Variants in ITIH3 observed in about 807,000 individuals in gnomAD.
ITIH3 encodes the protein inter-alpha-trypsin inhibitor heavy chain H3.
ITIH3 carries 81 observed loss-of-function variants against 96.5 expected under a neutral mutation model. That is an observed-to-expected ratio of 0.84 (90% CI 0.70 to 1.01). The LOEUF is 1.01. ITIH3 is among the 50% of genes least tolerant of loss of function. The pLI is 0.00. For missense variants in ITIH3, 1,057 were observed against 1,139.3 expected (o/e 0.93, Z 1.04); for synonymous variants, 422 against 445.2 (o/e 0.95, Z 0.66).
At chr3:52,797,354 C>T (rs1171932304) in intron 5 of ITIH3, 87 bp downstream of exon 5, 2 of 1,378,242 alleles carry the variant, frequency 1.5e-6, no homozygotes, top group South Asian at 1.3e-5. Context: ...GGGTCAAAAA[C>T]AAAAGTTCTG....
At chr3:52,808,026 C>T in intron 20 of ITIH3, 84 bp from the exon 21 acceptor site, 1 of 1,576,068 alleles carries the variant, frequency 6.3e-7, no homozygotes, top group Non-Finnish European at 8.7e-7. Context: ...CCCATTCAGC[C>T]TTTGCATCAA....
At position 52,797,844 on chromosome 3, in the gene ITIH3, G is replaced by A. The variant is rs1171893686; in HGVS notation, c.577G>A (p.Gly193Arg). ...CGAGGTAGACATCTTCGAGCCTCAG[G>A]GAATCAGCATGCTGGATGCTGAGGC... ...EIEVDIFEPQGISMLDAEASF... is the reference protein window; with the variant it reads ...EIEVDIFEPQRISMLDAEASF... The change falls in exon 6 of 22, where the codon GGA becomes AGA. Residue 193 changes from glycine to arginine, a missense_variant. Coordinates refer to ENST00000449956, the MANE Select transcript of ITIH3 (RefSeq NM_002217.4). The A allele has an allele frequency of 6.2e-7, 1 of 1,609,118 alleles. No individual in the cohort carries two copies. Among genetic ancestry groups the A allele is most frequent in the Non-Finnish European group, 8.5e-7 (1 of 1,177,920 alleles).
chr3:52,798,748 C>T lies in ITIH3; in HGVS notation c.664-218C>T, dbSNP rs9831399. 4,697 of 576,702 alleles carry T rather than the reference C, an allele frequency of 8.1e-3. 180 individuals are homozygous for T. Among genetic ancestry groups the T allele is most frequent in the African/African-American group, 0.078 (4,188 of 53,546 alleles). 35.7% of individuals were successfully genotyped at this position (576,702 alleles called of 1,614,324 possible). A position where few individuals can be genotyped will look rare whatever the true frequency, so the allele number is the denominator to read the frequency against. On this transcript the variant is annotated intron_variant, in intron 6 of 21. Coordinates refer to ENST00000449956, the MANE Select transcript of ITIH3 (RefSeq NM_002217.4). ...GGGGAAAAGCGGTGCTCAGAAAGGC[C>T]GGAGCGTGGTAAACAGTGCCTTCCA...
At chr3:52,797,678 G>T in intron 5 of ITIH3, 139 bp from the exon 6 acceptor site, 1 of 610,544 alleles carries the variant, frequency 1.6e-6, no homozygotes, top group Non-Finnish European at 2.9e-6. Flanking sequence ...TTTCGCAGTG[G>T]GAGACACCAG....
At chr3:52,805,196 G>A in intron 15 of ITIH3, 1 of 633,504 alleles carries the variant, frequency 1.6e-6, no homozygotes, top group Non-Finnish European at 2.0e-6. Flanking sequence ...GGGAATTGCT[G>A]GGGATCACAG....
chr3:52,800,076 G>A (rs1370409535), intron 9 of ITIH3, among the ~76,000 whole-genome samples, 155 bp downstream of exon 9: 2 of 152,184 alleles, frequency 1.3e-5, no homozygotes, highest in Non-Finnish European at 2.9e-5. Context: ...CAGGCTTGAA[G>A]ACAGAATATC....
intron 10 of ITIH3, 142 bp downstream of exon 10, chr3:52,800,805 T>C: frequency 8.3e-6 from 12 of 1,441,244 alleles, no homozygotes; most frequent in Non-Finnish European, 1.1e-5. Context: ...GGCAGGGTCC[T>C]GCCTCCCTCT....
Position 52,797,278 on chromosome 3 carries a change from G to A in ITIH3, c.549+11G>A, listed in dbSNP as rs377169466. On this transcript the variant is annotated intron_variant, in intron 5 of 21. Coordinates refer to ENST00000449956, the MANE Select transcript of ITIH3 (RefSeq NM_002217.4). Reference sequence around the variant, plus strand: ...GTCAAACACTTTGAGGTAATCAACCGCCCCTGCAGACCTGGGGGGACGGCA... The same window carrying A: ...GTCAAACACTTTGAGGTAATCAACCACCCCTGCAGACCTGGGGGGACGGCA... 107 of 1,596,170 alleles carry A rather than the reference G, an allele frequency of 6.7e-5. No homozygotes were observed. Among genetic ancestry groups the A allele is most frequent in the Middle Eastern group, 2.1e-4 (1 of 4,738 alleles).
At position 52,807,766 on chromosome 3, in the gene ITIH3, AG is replaced by A. The variant is rs1184114153; in HGVS notation, c.2283del (p.Lys762ArgfsTer31). 8.1e-6 allele frequency: 13 copies of A among 1,611,600 alleles called. No homozygotes were observed. The highest frequency in any genetic ancestry group is 2.7e-5 in the African/African-American group (2 of 74,904). ...TCGTAGGCTGTCCATGATGATCAAC[AG>A]GAAGAACATGGTGGTCTCCTTTGGA... is the stretch of plus-strand genomic sequence containing the variant. ...TQDGLSMMIN[R>X]KNMVVSFGDG... On this transcript the variant is annotated frameshift_variant, in exon 20 of 22. Transcript: ENST00000449956. LOFTEE classifies it high-confidence loss of function.
intron 6 of ITIH3, 27 bp from the exon 7 acceptor site, chr3:52,798,939 G>C: frequency 6.2e-7 from 1 of 1,610,582 alleles, no homozygotes; most frequent in Non-Finnish European, 8.5e-7. Context: ...GCCGAGCTGA[G>C]CAAGGTCTTT....
rs750113044 is a variant in ITIH3 at position 52,802,805 on chromosome 3, C to A, written c.1708C>A (p.Arg570Ser). 1 of 1,613,840 alleles carries A rather than the reference C, an allele frequency of 6.2e-7. No homozygotes were observed. Among genetic ancestry groups the A allele is most frequent in the South Asian group, 1.1e-5 (1 of 91,050 alleles). The change falls in exon 13 of 22, where the codon CGC becomes AGC. Residue 570 changes from arginine to serine, a missense_variant and splice_region_variant. By Grantham distance (110) the Arg-to-Ser change is moderately radical (BLOSUM62 -1). Coordinates refer to ENST00000449956, the MANE Select transcript of ITIH3 (RefSeq NM_002217.4). ...CACCATTGAGCAGCTGCTGGAGAAG[C>A]GGTGAGCAGAGTCCCAGCCCCCACC... ...YLTIEQLLEK[R>S]KNAHGEEKEN...
At chr3:52,795,700 A>G in intron 2 of ITIH3, 77 bp downstream of exon 2, 1 of 1,404,502 alleles carries the variant, frequency 7.1e-7, no homozygotes, top group South Asian at 1.2e-5. Flanking sequence ...CTGAAGGTGT[A>G]GGCTATAACA....
chr3:52,807,992 C>A, intron 20 of ITIH3, 76 bp downstream of exon 20: 1 of 1,571,504 alleles, frequency 6.4e-7, no homozygotes, highest in South Asian at 1.2e-5. Flanking sequence ...CCTTCCTAGG[C>A]ACCCTGTACC....
chr3:52,798,948 T>C lies in ITIH3; in HGVS notation c.664-18T>C, dbSNP rs1473692858. The C allele has an allele frequency of 6.2e-7, 1 of 1,611,704 alleles. No homozygotes were observed. The highest frequency in any genetic ancestry group is 8.5e-7 in the Non-Finnish European group (1 of 1,179,054). ...GCCCTGGCCGAGCTGAGCAAGGTCTTTCATCTCCATCCCTTAGGGCCATGT... is the reference window on the plus strand; with the variant it reads ...GCCCTGGCCGAGCTGAGCAAGGTCTCTCATCTCCATCCCTTAGGGCCATGT... On this transcript the variant is annotated intron_variant, in intron 6 of 21. Transcript: ENST00000449956.
rs771419128 is a variant in ITIH3 at position 52,795,616 on chromosome 3, C to G, written c.107C>G (p.Pro36Arg). The stretch of plus-strand genomic sequence containing the variant: ...TTGTTTTTTCAGAAACGGAGCCTCC[C>G]GGAAGGGGTAAGAACTTTCACCAGG... ...PFRLLGKRSL[P>R]EGVANGIEVY... The change falls in exon 2 of 22, where the codon CCG becomes CGG. Residue 36 changes from proline (P) to arginine (R), a missense_variant. Physicochemically the swap from Pro to Arg is moderately radical, Grantham distance 103. Coordinates refer to ENST00000449956, the MANE Select transcript of ITIH3 (RefSeq NM_002217.4). The G allele has an allele frequency of 3.7e-6, 6 of 1,612,224 alleles. No individual in the cohort carries two copies. The highest frequency in any genetic ancestry group is 1.3e-5 in the African/African-American group (1 of 74,896).
rs1430770962 is a variant in ITIH3, at chr3:52,802,681, G to A, written c.1584G>A (p.Leu528=). The A allele has an allele frequency of 1.2e-6, 2 of 1,613,908 alleles. No individual in the cohort carries two copies. Among genetic ancestry groups the A allele is most frequent in the Non-Finnish European group, 1.7e-6 (2 of 1,179,870 alleles). Residue 528 remains leucine, a synonymous_variant, in exon 13 of 22, where the codon CTG becomes CTA. Coordinates refer to ENST00000449956, the MANE Select transcript of ITIH3 (RefSeq NM_002217.4). ...CCCCACCCTAGGCCACCAACGACCTGACCTTCACAGAGGAGGTGGACATGA... is the reference window on the plus strand; with the variant it reads ...CCCCACCCTAGGCCACCAACGACCTAACCTTCACAGAGGAGGTGGACATGA... ...DVKGHGATND[L]TFTEEVDMKE...
chr3:52,797,614 G>A (rs1699641109), intron 5 of ITIH3, among the ~76,000 whole-genome samples: 1 of 152,238 alleles, frequency 6.6e-6, no homozygotes, highest in African/African-American at 2.4e-5. Flanking sequence ...GCATATGGCA[G>A]GCGGTGGTAA....
At position 52,799,872 on chromosome 3, in the gene ITIH3, G is replaced by A. The variant is rs1447968756; in HGVS notation, c.1026G>A (p.Glu342=). Residue 342 remains glutamate (E), a synonymous_variant, in exon 9 of 22, where the codon GAG becomes GAA. Coordinates refer to ENST00000449956, the MANE Select transcript of ITIH3 (RefSeq NM_002217.4). ...AGCACTTAGTCCAGGCCACGCCCGA[G>A]AACCTCCAGGAGGCCAGGACGTTTG... ...WKEHLVQATP[E]NLQEARTFVK... is the part of the protein sequence containing the mutation. The A allele has an allele frequency of 1.2e-6, 2 of 1,613,940 alleles. No individual in the cohort carries two copies. The highest frequency in any genetic ancestry group is 1.3e-5 in the African/African-American group (1 of 75,060).
At chr3:52,808,052 G>A (rs1700120032) in intron 20 of ITIH3, 58 bp from the exon 21 acceptor site, 1 of 1,585,866 alleles carries the variant, frequency 6.3e-7, no homozygotes, top group Admixed American at 1.7e-5. Context: ...AAAGGCCAGT[G>A]GCCACGTTAC....
Sources: gnomAD v4.1 joint callset for allele counts (sites outside exome capture counted in the v4.1 genomes callset) on GRCh38, gnomAD v4.1.1 for gene constraint, MANE v1.5 for transcripts, NCBI Gene and HGNC (gene_info 2026-07-23, HGNC 2026-07-21) for gene names.